The following NTM variants were observed in gnomAD, a reference collection of about 807,000 sequenced individuals.
NTM encodes the protein IgLON family member 2.
Under a neutral mutation model 42.1 loss-of-function variants are expected in NTM, and 13 were observed. That is an observed-to-expected ratio of 0.31 (90% CI 0.20 to 0.49). The LOEUF (loss-of-function observed/expected upper bound fraction) is 0.49, where lower values mean the gene tolerates loss of function less well. Ranked by LOEUF, NTM falls within the 20% of genes least tolerant of loss-of-function variation. The pLI, the probability that NTM is intolerant of heterozygous loss-of-function variation, is 0.99. For missense variants in NTM, 373 were observed against 452.8 expected (o/e 0.82, Z 1.60); for synonymous variants, 187 against 179.2 (o/e 1.04, Z -0.35).
chr11:131,620,824 A>C lies in NTM; in HGVS notation c.82+249936A>C, dbSNP rs74890056. On this transcript the variant is annotated intron_variant, in intron 1 of 8. Coordinates refer to ENST00000683400, the MANE Select transcript of NTM (RefSeq NM_001352005.2). ...TTGTCTATTATCTGTCACTTAGGCT[A>C]ATATGTACTTTCTATGATAGCAGCA... is the stretch of plus-strand genomic sequence containing the variant. 8.5e-3 allele frequency among the ~76,000 whole-genome samples: 1,297 copies of C among 152,272 alleles called. 21 individuals carry two copies. The highest frequency in any genetic ancestry group is 0.03 in the African/African-American group (1,243 of 41,546).
At chr11:131,705,254 A>G (rs2076480156) in intron 1 of NTM, among the ~76,000 whole-genome samples, 1 of 152,202 alleles carries the variant, frequency 6.6e-6, no homozygotes, top group African/African-American at 2.4e-5. Flanking sequence ...TTCAAGGGAA[A>G]CTTCCCTGTA....
At chr11:131,777,027 A>T in intron 1 of NTM, 1 of 619,058 alleles carries the variant, frequency 1.6e-6, no homozygotes, top group African/African-American at 2.0e-5. Context: ...CAAAAGGTTG[A>T]ATCATGAATT....
chr11:131,961,731 G>A (rs1404925636), intron 2 of NTM, among the ~76,000 whole-genome samples: 2 of 152,156 alleles, frequency 1.3e-5, no homozygotes, highest in Admixed American at 6.5e-5. Flanking sequence ...CTGAGAGGGG[G>A]TCAAAAGTCA....
chr11:131,660,410 G>A (rs1283380725), intron 1 of NTM: 3 of 452,958 alleles, frequency 6.6e-6, no homozygotes, highest in Non-Finnish European at 1.3e-5. Context: ...GAGAGAGGAG[G>A]AAGACTCAGA....
chr11:132,120,518 C>G (rs1566214350), intron 2 of NTM, among the ~76,000 whole-genome samples: 2 of 152,118 alleles, frequency 1.3e-5, no homozygotes, highest in Admixed American at 6.5e-5. Flanking sequence ...AAAAGAGGGA[C>G]CAGACTATGA....
intron 1 of NTM, among the ~76,000 whole-genome samples, chr11:131,559,268 G>A (rs1347917839): frequency 6.6e-6 from 1 of 152,186 alleles, no homozygotes; most frequent in East Asian, 1.9e-4. Context: ...ATTCTCTTTA[G>A]TAAAACATAT....
chr11:131,519,320 A>G (rs1415673189), intron 1 of NTM, among the ~76,000 whole-genome samples: 3 of 152,124 alleles, frequency 2.0e-5, no homozygotes, highest in Non-Finnish European at 4.4e-5. Context: ...TCAGGTCTTC[A>G]TAGGAGGCTG....
At chr11:132,059,679 A>G (rs1356106962) in intron 2 of NTM, among the ~76,000 whole-genome samples, 3 of 151,980 alleles carry the variant, frequency 2.0e-5, no homozygotes, top group Admixed American at 1.3e-4. Context: ...GTGCTTTGTG[A>G]CCAGTTCCCA....
At chr11:132,318,131 C>T (rs1245996036) in intron 7 of NTM, among the ~76,000 whole-genome samples, 1 of 152,144 alleles carries the variant, frequency 6.6e-6, no homozygotes, top group Non-Finnish European at 1.5e-5. Context: ...ATGAGGTTCT[C>T]CAAAGGAGGA....
At chr11:132,090,504 C>A (rs942020006) in intron 2 of NTM, among the ~76,000 whole-genome samples, 1 of 152,148 alleles carries the variant, frequency 6.6e-6, no homozygotes, top group Non-Finnish European at 1.5e-5. Flanking sequence ...TATGGTTACC[C>A]TCTGAACTTT....
At chr11:131,449,938 C>T (rs2136036671) in intron 1 of NTM, among the ~76,000 whole-genome samples, 1 of 152,292 alleles carries the variant, frequency 6.6e-6, no homozygotes, top group Admixed American at 6.5e-5. Flanking sequence ...GCAATGTCCC[C>T]ATGTTTACTC....
At chr11:131,381,740 T>A (rs1942706564) in intron 1 of NTM, among the ~76,000 whole-genome samples, 1 of 152,208 alleles carries the variant, frequency 6.6e-6, no homozygotes, top group Non-Finnish European at 1.5e-5. Flanking sequence ...CAGAGATTTC[T>A]AGTGACCAGA....
intron 4 of NTM, among the ~76,000 whole-genome samples, chr11:132,213,696 C>T (rs2083287098): frequency 1.3e-5 from 2 of 151,676 alleles, no homozygotes; most frequent in South Asian, 4.2e-4. Context: ...TTGTGTGTGG[C>T]CTGAATTCCT....
rs972146181 is a variant in NTM, at chr11:132,125,428, G to A, written c.168-20854G>A. 2.8e-5 allele frequency among the ~76,000 whole-genome samples: 4 copies of A among 140,408 alleles called. No individual in the cohort carries two copies. The South Asian group carries it at 7.3e-4, about 26-fold the overall frequency. 92.1% of individuals were successfully genotyped at this position (140,408 alleles called of 152,430 possible). A position where few individuals can be genotyped will look rare whatever the true frequency, so the allele number is the denominator to read the frequency against. On this transcript the variant is annotated intron_variant, in intron 2 of 8. Coordinates refer to ENST00000683400, the MANE Select transcript of NTM (RefSeq NM_001352005.2). The stretch of plus-strand genomic sequence containing the variant: ...TAGTGTGTGCTATGTGATGTATGTG[G>A]TGTGTGGTGAGGTATGAGTGTGTAT...
intron 2 of NTM, among the ~76,000 whole-genome samples, chr11:132,144,901 C>T (rs2070030911): frequency 6.6e-6 from 1 of 152,188 alleles, no homozygotes; most frequent in South Asian, 2.1e-4. Flanking sequence ...CCCTGTGCAC[C>T]TAAGTGATCC....
At chr11:132,238,848 T>C (rs961804800) in intron 4 of NTM, among the ~76,000 whole-genome samples, 1 of 152,184 alleles carries the variant, frequency 6.6e-6, no homozygotes, top group East Asian at 1.9e-4. Flanking sequence ...TCTTCATCTC[T>C]AAGTGGCTCC....
chr11:132,309,977 A>C (rs1591909912), intron 5 of NTM, 135 bp from the exon 6 acceptor site: 90 of 1,003,848 alleles, frequency 9.0e-5, no homozygotes, highest in Non-Finnish European at 1.0e-4. Context: ...AATTGCTTGA[A>C]CCCGGGAGGC....
At chr11:131,790,043 T>C (rs1201343259) in intron 1 of NTM, among the ~76,000 whole-genome samples, 2 of 151,108 alleles carry the variant, frequency 1.3e-5, no homozygotes, top group Admixed American at 6.6e-5. Context: ...AAAGTGTCAC[T>C]GTTGAGACTC....
intron 1 of NTM, among the ~76,000 whole-genome samples, chr11:131,529,698 G>C (rs900293299): frequency 1.3e-5 from 2 of 152,176 alleles, no homozygotes; most frequent in Non-Finnish European, 2.9e-5. Flanking sequence ...AAGTGATTAA[G>C]AGAAAAATCA....
Sources: allele counts gnomAD v4.1 joint callset (sites outside exome capture counted in the v4.1 genomes callset), GRCh38; gene constraint gnomAD v4.1.1; transcripts MANE v1.5; gene names NCBI Gene and HGNC (gene_info 2026-07-23, HGNC 2026-07-21).